The following PCDHGA1 variants were observed in gnomAD, a reference collection of about 807,000 sequenced individuals.
The protein encoded by PCDHGA1 is protocadherin gamma-A1.
In PCDHGA1, 32 loss-of-function variants were observed where a neutral mutation model predicts 58.0. The observed-to-expected ratio is 0.55, with a 90% confidence interval of 0.42 to 0.74. The LOEUF (loss-of-function observed/expected upper bound fraction) is 0.74. Ranked by LOEUF, PCDHGA1 falls within the 30% of genes least tolerant of loss-of-function variation. The pLI, the probability that PCDHGA1 is intolerant of heterozygous loss-of-function variation, is 0.00. For missense variants in PCDHGA1, 1,205 were observed against 1,182.3 expected (o/e 1.02, Z -0.28); for synonymous variants, 498 against 501.1 (o/e 0.99, Z 0.08).
intron 1 of PCDHGA1, chr5:141,339,697 T>C (rs1756865095): frequency 3.1e-6 from 5 of 1,614,128 alleles, no homozygotes; most frequent in Non-Finnish European, 4.2e-6. Flanking sequence ...CGCCTGTTTT[T>C]ACACAGCCCG....
At chr5:141,339,380 G>A (rs1248809763) in intron 1 of PCDHGA1, 1 of 1,614,094 alleles carries the variant, frequency 6.2e-7, no homozygotes, top group Non-Finnish European at 8.5e-7. Context: ...TGGAGTAGAG[G>A]AACTGGAGCT....
chr5:141,408,060 T>G (rs2095034623), intron 1 of PCDHGA1: 1 of 1,324,738 alleles, frequency 7.5e-7, no homozygotes, highest in Admixed American at 2.9e-5. Flanking sequence ...GCCTCCCGGC[T>G]GCGCAGACCT....
At chr5:141,343,990 G>A in intron 1 of PCDHGA1, 1 of 1,474,122 alleles carries the variant, frequency 6.8e-7, no homozygotes. Context: ...TCCGTCGTAG[G>A]AAACTGGAAC....
chr5:141,453,791 A>G (rs979646024), intron 1 of PCDHGA1, among the ~76,000 whole-genome samples: 2 of 152,268 alleles, frequency 1.3e-5, no homozygotes, highest in African/African-American at 2.4e-5. Context: ...ATGGTATATT[A>G]ACTTTGAGTA....
chr5:141,355,124 A>G (rs1460903356), intron 1 of PCDHGA1: 1 of 1,516,442 alleles, frequency 6.6e-7, no homozygotes, highest in East Asian at 2.3e-5. Context: ...TTTATTTTGG[A>G]CCCAGAAGAT....
chr5:141,410,230 C>A (rs759582867), intron 1 of PCDHGA1: 2 of 1,614,006 alleles, frequency 1.2e-6, no homozygotes, highest in South Asian at 2.2e-5. Flanking sequence ...CAGACCTCAG[C>A]GACCGCCCTG....
At chr5:141,389,140 C>T in intron 1 of PCDHGA1, 3 of 1,613,996 alleles carry the variant, frequency 1.9e-6, no homozygotes, top group Non-Finnish European at 2.5e-6. Context: ...TACAATATAA[C>T]CGTTACGGCA....
intron 1 of PCDHGA1, chr5:141,360,620 T>C (rs759358436): frequency 1.2e-6 from 2 of 1,614,026 alleles, no homozygotes; most frequent in Non-Finnish European, 1.7e-6. Flanking sequence ...GATTCAGATG[T>C]TGGTCCTAAC....
chr5:141,344,820 A>G (rs1286516342), intron 1 of PCDHGA1: 3 of 1,613,844 alleles, frequency 1.9e-6, no homozygotes, highest in Non-Finnish European at 2.5e-6. Context: ...CCGGCTGCTC[A>G]CGGTGAATGC....
At chr5:141,353,808 C>T (rs1312387041) in intron 1 of PCDHGA1, among the ~76,000 whole-genome samples, 2 of 152,184 alleles carry the variant, frequency 1.3e-5, no homozygotes, top group Non-Finnish European at 2.9e-5. Context: ...TATTTCACCT[C>T]TCAATCATCC....
chr5:141,394,249 C>G (rs1055429829), intron 1 of PCDHGA1: 2 of 1,613,964 alleles, frequency 1.2e-6, no homozygotes, highest in South Asian at 2.2e-5. Context: ...GCACACGACC[C>G]CGACAGCCAG....
intron 1 of PCDHGA1, among the ~76,000 whole-genome samples, chr5:141,465,094 G>GTT (rs138941665): frequency 3.4e-5 from 5 of 148,194 alleles, no homozygotes; most frequent in Non-Finnish European, 6.0e-5. Flanking sequence ...TTTTCTAGTA[G>GTT]TTTTTTTTTT....
chr5:141,435,979 C>T (rs1036607924), intron 1 of PCDHGA1, among the ~76,000 whole-genome samples: 4 of 152,008 alleles, frequency 2.6e-5, no homozygotes, highest in Non-Finnish European at 5.9e-5. Flanking sequence ...TGTGGTTCTA[C>T]TTGTGTGATT....
At position 141,409,019 on chromosome 5, in the gene PCDHGA1, G is replaced by T; in HGVS notation, c.2421+75914G>T. 2.5e-6 allele frequency: 4 copies of T among 1,613,996 alleles called. No homozygotes were observed. The South Asian group carries it at 3.3e-5, about 13-fold the overall frequency. On this transcript the variant is annotated intron_variant, in intron 1 of 3. Coordinates refer to ENST00000517417, the MANE Select transcript of PCDHGA1 (RefSeq NM_018912.3). The stretch of plus-strand genomic sequence containing the variant: ...GACAGCCACTGACCAGGATGAGGGG[G>T]TCAATGCTGAGATAAACTACTACTT...
intron 1 of PCDHGA1, chr5:141,367,403 G>GTT (rs1765106361): frequency 2.0e-5 from 3 of 152,234 alleles, no homozygotes; most frequent in African/African-American, 7.2e-5. Context: ...CGGGCGTGGT[G>GTT]GCAGGCGCCT....
intron 1 of PCDHGA1, among the ~76,000 whole-genome samples, chr5:141,337,910 C>A (rs565486494): frequency 1.3e-5 from 2 of 152,298 alleles, no homozygotes; most frequent in African/African-American, 4.8e-5. Context: ...AAACCCCTTC[C>A]GGCTCTAGCT....
At chr5:141,398,928 T>C in intron 1 of PCDHGA1, 4 of 1,613,962 alleles carry the variant, frequency 2.5e-6, no homozygotes, top group Non-Finnish European at 3.4e-6. Flanking sequence ...TGTCAGCCAC[T>C]GACCAAGACG....
In PCDHGA1 at chr5:141,332,825, A is replaced by C; in HGVS notation, c.2141A>C (p.His714Pro). 1 of 1,614,196 alleles carries C rather than the reference A, an allele frequency of 6.2e-7. No individual in the cohort carries two copies. The highest frequency in any genetic ancestry group is 8.5e-7 in the Non-Finnish European group (1 of 1,180,036). The change falls in exon 1 of 4, where the codon CAC becomes CCC. Residue 714 changes from histidine (H) to proline (P), a missense_variant. By Grantham distance (77) the His-to-Pro change is moderately conservative (BLOSUM62 -2). Coordinates refer to ENST00000517417, the MANE Select transcript of PCDHGA1 (RefSeq NM_018912.3). This position sits in a 1 kb window ranked among gnomAD's most constrained non-coding sequence, Gnocchi z 4.6. ...FLAFVIVLLA[H>P]RLRRWHKSRL... ...GCCTTCGTCATCGTGCTGCTGGCGCACAGGCTGCGGCGCTGGCACAAGTCA... is the reference window on the plus strand; with the variant it reads ...GCCTTCGTCATCGTGCTGCTGGCGCCCAGGCTGCGGCGCTGGCACAAGTCA...
intron 1 of PCDHGA1, chr5:141,413,704 A>C (rs749988351): frequency 6.2e-7 from 1 of 1,613,616 alleles, no homozygotes; most frequent in South Asian, 1.1e-5. Flanking sequence ...CTATCAGCTC[A>C]GCCCCAATAA....
Sources: allele counts gnomAD v4.1 joint callset (sites outside exome capture counted in the v4.1 genomes callset), GRCh38; gene constraint gnomAD v4.1.1; non-coding constraint Gnocchi (gnomAD v3.1); transcripts MANE v1.5; gene names NCBI Gene and HGNC (gene_info 2026-07-23, HGNC 2026-07-21).